Variants in CTSZ observed in about 807,000 individuals in gnomAD.
The protein encoded by CTSZ is carboxypeptidase LB.
Under a neutral mutation model 32.4 loss-of-function variants are expected in CTSZ, and 39 were observed. The observed-to-expected ratio is 1.20, with a 90% CI of 0.93 to 1.57. The LOEUF (loss-of-function observed/expected upper bound fraction) is 1.57, where lower values mean the gene tolerates loss of function less well. Ranked by LOEUF, CTSZ falls within the 40% of genes most tolerant of loss-of-function variation. CTSZ has a pLI of 0.00. For synonymous variants in CTSZ, 168 were observed against 170.1 expected (o/e 0.99, Z 0.10); for missense variants, 397 against 419.6 (o/e 0.95, Z 0.47).
intron 3 of CTSZ, among the ~76,000 whole-genome samples, chr20:59,000,748 C>T (rs1193055690): frequency 6.6e-6 from 1 of 152,136 alleles, no homozygotes; most frequent in Non-Finnish European, 1.5e-5. Context: ...AGAACTCAAA[C>T]ACCACATTCA....
rs749496207 is a variant in CTSZ at position 59,006,473 on chromosome 20, C to A, written c.156G>T (p.Arg52=). 1 of 1,612,834 alleles carries A rather than the reference C, an allele frequency of 6.2e-7. No individual in the cohort carries two copies. The highest frequency in any genetic ancestry group is 2.2e-5 in the East Asian group (1 of 44,878). ...LAPLGRSTYP[R]PHEYLSPADL... The stretch of plus-strand genomic sequence containing the variant: ...CCGCTGGGGACAGGTACTCATGAGG[C>A]CGGGGGTATGTGCTGAGAAGAGATC... Residue 52 remains arginine, a synonymous_variant, in exon 2 of 6, where the codon CGG becomes CGT. Coordinates refer to ENST00000217131, the MANE Select transcript of CTSZ (RefSeq NM_001336.4).
In CTSZ at chr20:59,001,505, G is replaced by C. The variant is rs764111209; in HGVS notation, c.447C>G (p.Ile149Met). ...SVWDYAHQHG[I>M]PDETCNNYQA... ...GGTAGTTGTTGCAGGTCTCGTCAGG[G>C]ATGCCGTGCTGGTGGGCGTAGTCCC... Residue 149 changes from isoleucine to methionine, a missense_variant, in exon 3 of 6, where the codon ATC becomes ATG. Physicochemically the swap from Ile to Met is conservative, Grantham distance 10. Coordinates refer to ENST00000217131, the MANE Select transcript of CTSZ (RefSeq NM_001336.4). 6.2e-7 allele frequency: 1 copy of C among 1,613,868 alleles called. No individual in the cohort carries two copies. The highest frequency in any genetic ancestry group is 1.3e-5 in the African/African-American group (1 of 74,942).
chr20:58,996,855 C>A, intron 4 of CTSZ, 54 bp from the exon 5 acceptor site: 1 of 1,587,972 alleles, frequency 6.3e-7, no homozygotes, highest in South Asian at 1.1e-5. Context: ...AATTTACCGT[C>A]ATTAGAAATA....
At chr20:58,998,013 C>T (rs900593662) in intron 3 of CTSZ, among the ~76,000 whole-genome samples, 1 of 152,146 alleles carries the variant, frequency 6.6e-6, no homozygotes, top group Non-Finnish European at 1.5e-5. Flanking sequence ...CCCAGGAGTT[C>T]GCCTTTTTCC....
At position 59,001,723 on chromosome 20, in the gene CTSZ, G is replaced by A. The variant is rs925535289; in HGVS notation, c.308-79C>T. The A allele has an allele frequency of 1.3e-5, 19 of 1,471,456 alleles. No individual in the cohort carries two copies. The African/African-American group carries it at 1.3e-4, about 10-fold the overall frequency. The allele number at this position is 1,471,456 out of a possible 1,614,324, so 91.1% of individuals were successfully genotyped here. The stretch of plus-strand genomic sequence containing the variant: ...CCGAACGGACCTGGACGCCTCAGGC[G>A]GGATGCAGGCGCTGCCCAGCCTGGC... On this transcript the variant is annotated intron_variant, in intron 2 of 5. Coordinates refer to ENST00000217131, the MANE Select transcript of CTSZ (RefSeq NM_001336.4).
chr20:58,995,518 G>A lies in CTSZ; in HGVS notation c.*131C>T, dbSNP rs2091853599. 8.1e-6 allele frequency: 6 copies of A among 741,738 alleles called. No homozygotes were observed. Among genetic ancestry groups the A allele is most frequent in the Admixed American group, 4.6e-5 (2 of 43,032 alleles). The allele number at this position is 741,738 out of a possible 1,614,324, so 45.9% of individuals were successfully genotyped here. On this transcript the variant is annotated 3_prime_UTR_variant, in exon 6 of 6. Transcript: ENST00000217131. ...CAGGAACACTCGCAGCCAGTGCCAC[G>A]CTGTCCTCGCCATCCAATATTGATA... is the stretch of plus-strand genomic sequence containing the variant.
rs1376277538 is a variant in CTSZ at position 58,995,574 on chromosome 20, A to G, written c.*75T>C. 2.2e-6 allele frequency: 3 copies of G among 1,384,856 alleles called. No homozygotes were observed. Among genetic ancestry groups the G allele is most frequent in the African/African-American group, 2.8e-5 (2 of 70,438 alleles). 85.8% of individuals were successfully genotyped at this position (1,384,856 alleles called of 1,614,324 possible). A position where few individuals can be genotyped will look rare whatever the true frequency, so the allele number is the denominator to read the frequency against. ...CCCAGTTCCTGCCAGCCAGCCTGGC[A>G]CACATAACCATAGGATCCCCTCTGG... On this transcript the variant is annotated 3_prime_UTR_variant, in exon 6 of 6. Transcript: ENST00000217131.
intron 1 of CTSZ, among the ~76,000 whole-genome samples, chr20:59,006,743 A>AC (rs2091910100): frequency 6.6e-6 from 1 of 151,970 alleles, no homozygotes; most frequent in Non-Finnish European, 1.5e-5. Flanking sequence ...CGTAAGGGCC[A>AC]CCCCCAGAGG....
intron 4 of CTSZ, 30 bp downstream of exon 4, chr20:58,997,573 C>T (rs2091867361): frequency 6.6e-7 from 1 of 1,512,978 alleles, no homozygotes. Flanking sequence ...CACCCGCAAA[C>T]CTCTCTTTGC....
At chr20:59,000,239 G>A (rs902402862) in intron 3 of CTSZ, among the ~76,000 whole-genome samples, 4 of 152,040 alleles carry the variant, frequency 2.6e-5, no homozygotes, top group Non-Finnish European at 4.4e-5. Flanking sequence ...GTAGCTGGGC[G>A]TGGTGGCGCA....
At chr20:58,999,404 C>T (rs1286406277) in intron 3 of CTSZ, among the ~76,000 whole-genome samples, 1 of 152,102 alleles carries the variant, frequency 6.6e-6, no homozygotes, top group African/African-American at 2.4e-5. Flanking sequence ...AGGGGCCTGG[C>T]CTCAGCTGGG....
rs551485961 is a variant in CTSZ at position 59,004,161 on chromosome 20, C to T, written c.307+2161G>A. 6.6e-6 allele frequency among the ~76,000 whole-genome samples: 1 copy of T among 152,292 alleles called. No homozygotes were observed. Among genetic ancestry groups the T allele is most frequent in the African/African-American group, 2.4e-5 (1 of 41,558 alleles). On this transcript the variant is annotated intron_variant, in intron 2 of 5. Coordinates refer to ENST00000217131, the MANE Select transcript of CTSZ (RefSeq NM_001336.4). The surrounding 1 kb of genome is among the most constrained non-coding windows in gnomAD (Gnocchi z 5.6). ...CAGGGAGGACTGGGGAAGAAATGGG[C>T]TGTCAGGTGACAGTAGTGGAAGGAG... is the stretch of plus-strand genomic sequence containing the variant.
intron 3 of CTSZ, among the ~76,000 whole-genome samples, chr20:59,000,852 C>A (rs940827690): frequency 1.2e-3 from 172 of 145,948 alleles, no homozygotes; most frequent in Middle Eastern, 3.7e-3. Context: ...TTTTTTGAGC[C>A]GTAGTCTTGC....
At chr20:58,998,526 A>C (rs1477334987) in intron 3 of CTSZ, among the ~76,000 whole-genome samples, 1 of 147,926 alleles carries the variant, frequency 6.8e-6, no homozygotes, top group Admixed American at 6.8e-5. Flanking sequence ...AGCCTGAGCG[A>C]CAAGAGCGAG....
chr20:58,997,662 G>C lies in CTSZ; in HGVS notation c.579C>G (p.Tyr193Ter). The C allele has an allele frequency of 6.2e-7, 1 of 1,608,778 alleles. No homozygotes were observed. The highest frequency in any genetic ancestry group is 8.5e-7 in the Non-Finnish European group (1 of 1,177,512). Residue 193 changes from tyrosine (Y) to a stop codon, truncating the protein, a stop_gained, in exon 4 of 6, where the codon TAC becomes TAG. Coordinates refer to ENST00000217131, the MANE Select transcript of CTSZ (RefSeq NM_001336.4). LOFTEE classifies it high-confidence loss of function. ...RNYTLWRVGD[Y>*]GSLSGREKMM... ...TCTTCTCCCTCCCAGAGAGGGAGCC[G>C]TAGTCTCCCACCCTCCAGAGGGTGT...
chr20:59,001,722 C>A lies in CTSZ; in HGVS notation c.308-78G>T. ...CCCGAACGGACCTGGACGCCTCAGG[C>A]GGGATGCAGGCGCTGCCCAGCCTGG... is the stretch of plus-strand genomic sequence containing the variant. On this transcript the variant is annotated intron_variant, in intron 2 of 5. Transcript: ENST00000217131. 2.0e-6 allele frequency: 3 copies of A among 1,488,424 alleles called. No individual in the cohort carries two copies. The South Asian group carries it at 3.7e-5, about 18-fold the overall frequency. 92.2% of individuals were successfully genotyped at this position (1,488,424 alleles called of 1,614,324 possible).
chr20:59,007,238 G>C lies in CTSZ; in HGVS notation c.-110C>G. The C allele has an allele frequency of 8.0e-7, 1 of 1,243,760 alleles. No homozygotes were observed. The highest frequency in any genetic ancestry group is 3.4e-5 in the East Asian group (1 of 29,498). 77.0% of individuals were successfully genotyped at this position (1,243,760 alleles called of 1,614,324 possible). On this transcript the variant is annotated 5_prime_UTR_variant, in exon 1 of 6. Transcript: ENST00000217131. ...CGGCCTCGGCCTCGGCCCAGCACCC[G>C]GCCGACCCCGCACTTTGGGCCCCTG...
At position 59,001,364 on chromosome 20, in the gene CTSZ, T is replaced by A. The variant is rs1471912894; in HGVS notation, c.487+101A>T. 4 of 1,338,474 alleles carry A rather than the reference T, an allele frequency of 3.0e-6. No homozygotes were observed. In the South Asian group the frequency reaches 4.4e-5, roughly 15 times the overall value. The allele number at this position is 1,338,474 out of a possible 1,614,324, so 82.9% of individuals were successfully genotyped here. ...CCGCAGCTCCCCAGCCACCAGCCAA[T>A]GTGAGGAGCACGGGGTCAGGCTGGG... is the stretch of plus-strand genomic sequence containing the variant. On this transcript the variant is annotated intron_variant, in intron 3 of 5. Coordinates refer to ENST00000217131, the MANE Select transcript of CTSZ (RefSeq NM_001336.4).
chr20:58,998,967 A>G (rs986352688), intron 3 of CTSZ, among the ~76,000 whole-genome samples: 8 of 152,250 alleles, frequency 5.3e-5, no homozygotes, highest in Non-Finnish European at 2.9e-5. Flanking sequence ...AAAATGGTGG[A>G]TGTGTGGCCA....
Sources: allele counts gnomAD v4.1 joint callset (sites outside exome capture counted in the v4.1 genomes callset), GRCh38; gene constraint gnomAD v4.1.1; non-coding constraint Gnocchi (gnomAD v3.1); transcripts MANE v1.5; gene names NCBI Gene and HGNC (gene_info 2026-07-23, HGNC 2026-07-21).